CNTNAP2: variants seen among roughly 807,000 people sequenced by gnomAD.
The protein encoded by CNTNAP2 is contactin associated protein 2.
CNTNAP2 carries 98 observed loss-of-function variants against 155.2 expected under a neutral mutation model. The observed-to-expected ratio is 0.63, with a 90% CI of 0.54 to 0.75. The LOEUF (loss-of-function observed/expected upper bound fraction) is 0.75. Ranked by LOEUF, CNTNAP2 falls within the 30% of genes least tolerant of loss-of-function variation. CNTNAP2 has a pLI of 0.00. For synonymous variants in CNTNAP2, 651 were observed against 631.2 expected, an observed-to-expected ratio of 1.03 and a Z score of -0.47; for missense variants, 1,727 against 1,688.1, an observed-to-expected ratio of 1.02 and a Z score of -0.40.
chr7:146,647,211 C>T (rs757095765), intron 1 of CNTNAP2, among the ~76,000 whole-genome samples: 1 of 152,160 alleles, frequency 6.6e-6, no homozygotes, highest in East Asian at 1.9e-4. Flanking sequence ...AATTGGCTCC[C>T]TCGCTGTTTG....
chr7:147,059,710 C>T (rs146806376), intron 4 of CNTNAP2, among the ~76,000 whole-genome samples: 46 of 152,018 alleles, frequency 3.0e-4, no homozygotes, highest in Non-Finnish European at 5.6e-4. Flanking sequence ...TATATTGTGT[C>T]CTTACAACAA....
chr7:146,873,890 A>T (rs924257453), intron 3 of CNTNAP2, among the ~76,000 whole-genome samples: 3 of 152,022 alleles, frequency 2.0e-5, no homozygotes, highest in African/African-American at 4.8e-5. Flanking sequence ...ATATTGATTT[A>T]AAAATATTAT....
chr7:147,292,247 GTATT>G (rs1442110336), intron 8 of CNTNAP2, among the ~76,000 whole-genome samples: 1 of 151,968 alleles, frequency 6.6e-6, no homozygotes, highest in African/African-American at 2.4e-5. Flanking sequence ...CATCTTCTCT[GTATT>G]TATCCAGTTG....
chr7:147,176,919 AATAAT>A (rs989314583), intron 8 of CNTNAP2, among the ~76,000 whole-genome samples: 1 of 132,902 alleles, frequency 7.5e-6, no homozygotes, highest in Non-Finnish European at 1.5e-5. Flanking sequence ...ATATAATTTT[AATAAT>A]ATAATATATA....
chr7:146,938,723 T>C (rs1432094878), intron 3 of CNTNAP2, among the ~76,000 whole-genome samples: 3 of 152,246 alleles, frequency 2.0e-5, no homozygotes, highest in Non-Finnish European at 4.4e-5. Context: ...ATCTTATTAT[T>C]CTGTATATTC....
intron 5 of CNTNAP2, among the ~76,000 whole-genome samples, chr7:147,114,986 C>G (rs983393443): frequency 5.9e-5 from 9 of 152,164 alleles, no homozygotes; most frequent in African/African-American, 2.2e-4. Context: ...TCTTCAGGAG[C>G]TCTTGCAAGG....
At chr7:147,424,525 T>C (rs1017448956) in intron 10 of CNTNAP2, among the ~76,000 whole-genome samples, 3 of 152,130 alleles carry the variant, frequency 2.0e-5, no homozygotes, top group African/African-American at 7.2e-5. Flanking sequence ...CTCGATTTTC[T>C]CATTTCCAAA....
At chr7:148,199,871 G>T (rs1216339802) in intron 18 of CNTNAP2, among the ~76,000 whole-genome samples, 1 of 152,162 alleles carries the variant, frequency 6.6e-6, no homozygotes, top group African/African-American at 2.4e-5. Flanking sequence ...AACCAGGAAA[G>T]CCACTGGTAT....
chr7:147,549,771 G>A (rs1048813570), intron 11 of CNTNAP2, among the ~76,000 whole-genome samples: 3 of 152,184 alleles, frequency 2.0e-5, no homozygotes, highest in African/African-American at 7.2e-5. Flanking sequence ...ATAGTAATAT[G>A]TAATCTACAT....
Position 146,433,556 on chromosome 7 carries a change from T to C in CNTNAP2, c.97+316583T>C, listed in dbSNP as rs376412020. On this transcript the variant is annotated intron_variant, in intron 1 of 23. Coordinates refer to ENST00000361727, the MANE Select transcript of CNTNAP2 (RefSeq NM_014141.6). ...CATATATATATTTAAAGTTTCAGAC[T>C]GCTGTAAAAATTAGTCTGTCTATGG... 7.2e-5 allele frequency among the ~76,000 whole-genome samples: 11 copies of C among 152,296 alleles called. No individual in the cohort carries two copies. In the East Asian group the frequency reaches 2.1e-3, roughly 29 times the overall value.
intron 15 of CNTNAP2, among the ~76,000 whole-genome samples, chr7:148,031,373 A>G (rs1381043782): frequency 6.6e-6 from 1 of 152,224 alleles, no homozygotes; most frequent in Non-Finnish European, 1.5e-5. Context: ...AAGTTTAGTC[A>G]AGCTGAAAGG....
At chr7:147,282,115 T>G (rs552533911) in intron 8 of CNTNAP2, among the ~76,000 whole-genome samples, 1 of 152,034 alleles carries the variant, frequency 6.6e-6, no homozygotes, top group African/African-American at 2.4e-5. Flanking sequence ...GCCTTCTTAG[T>G]CCTCCTTGTT....
In CNTNAP2 at chr7:147,108,229, C is replaced by A. The variant is rs140505542; in HGVS notation, c.633C>A (p.Val211=). 77 of 1,613,432 alleles carry A rather than the reference C, an allele frequency of 4.8e-5. 1 individual carries two copies. In the African/African-American group the frequency reaches 8.8e-4, roughly 18 times the overall value. ...AGAAGATGAAAACACTGAAAGATGT[C>A]ATTGCCTTGAACTTTAAGACGTCTG... ...RNKKMKTLKD[V]IALNFKTSES... is the part of the protein sequence containing the mutation. Residue 211 remains valine, a synonymous_variant, in exon 5 of 24, where the codon GTC becomes GTA. Coordinates refer to ENST00000361727, the MANE Select transcript of CNTNAP2 (RefSeq NM_014141.6).
rs1796334604 is a variant in CNTNAP2 at position 146,442,493 on chromosome 7, C to G, written c.97+325520C>G. Among the ~76,000 whole-genome samples, 2 of 151,752 alleles carry G rather than the reference C, an allele frequency of 1.3e-5. 1 individual carries two copies. The highest frequency in any genetic ancestry group is 4.8e-5 in the African/African-American group (2 of 41,324). ...GTATGTGTGAGTGTGTGTGAAACAC[C>G]TTCCTCCAAATCTTAATCTTACAGG... On this transcript the variant is annotated intron_variant, in intron 1 of 23. Coordinates refer to ENST00000361727, the MANE Select transcript of CNTNAP2 (RefSeq NM_014141.6).
chr7:148,368,832 G>A (rs113350595), intron 21 of CNTNAP2, among the ~76,000 whole-genome samples: 58 of 152,246 alleles, frequency 3.8e-4, no homozygotes, highest in African/African-American at 1.4e-3. Flanking sequence ...AACAGACCAG[G>A]AAGTTTCACA....
chr7:147,473,436 A>G (rs943360453), intron 10 of CNTNAP2, among the ~76,000 whole-genome samples: 2 of 152,162 alleles, frequency 1.3e-5, no homozygotes, highest in Non-Finnish European at 2.9e-5. Context: ...CCTTTCAAAT[A>G]GCGGCAGCAC....
chr7:147,113,042 T>C (rs1020673894), intron 5 of CNTNAP2, among the ~76,000 whole-genome samples: 2 of 152,040 alleles, frequency 1.3e-5, no homozygotes, highest in Admixed American at 1.3e-4. Context: ...GGTAGGCTAT[T>C]TATTACTGCC....
At chr7:147,008,754 G>C (rs1214603249) in intron 3 of CNTNAP2, among the ~76,000 whole-genome samples, 2 of 152,040 alleles carry the variant, frequency 1.3e-5, no homozygotes, top group African/African-American at 4.8e-5. Flanking sequence ...CAAATATGTA[G>C]GGAGACTAAT....
intron 11 of CNTNAP2, among the ~76,000 whole-genome samples, chr7:147,528,705 G>A (rs1411958625): frequency 6.6e-6 from 1 of 152,192 alleles, no homozygotes; most frequent in Non-Finnish European, 1.5e-5. Context: ...CCACACATGA[G>A]AGGGAACAGT....
Sources: gnomAD v4.1 joint callset for allele counts (sites outside exome capture counted in the v4.1 genomes callset) on GRCh38, gnomAD v4.1.1 for gene constraint, MANE v1.5 for transcripts, NCBI Gene and HGNC (gene_info 2026-07-23, HGNC 2026-07-21) for gene names.